RGP1: variants seen among roughly 807,000 people sequenced by gnomAD.
The protein encoded by RGP1 is RGP1 partner of RAB6A GEF complex, also known as RAB6A-GEF complex partner protein 2.
Under a neutral mutation model 44.5 loss-of-function variants are expected in RGP1, and 28 were observed. The ratio of observed to expected loss-of-function variants is 0.63; its 90% CI spans 0.47 to 0.86. The LOEUF is 0.86. RGP1 is among the 40% of genes least tolerant of loss of function. The pLI is 0.00. For synonymous variants in RGP1, 212 were observed against 196.7 expected (o/e 1.08, Z -0.65); for missense variants, 417 against 490.7 (o/e 0.85, Z 1.42).
At chr9:35,775,749 A>G in the RGP1 span, among the ~76,000 whole-genome samples, 1 of 152,240 alleles carries the variant, frequency 6.6e-6, no homozygotes, top group Non-Finnish European at 1.5e-5. Flanking sequence ...GAAAACCTTT[A>G]CACAGTGTAA....
chr9:35,775,486 A>G, the RGP1 span, among the ~76,000 whole-genome samples: 1 of 152,134 alleles, frequency 6.6e-6, no homozygotes, highest in African/African-American at 2.4e-5. Context: ...AGGGGAAGAG[A>G]TAGTCTGGCT....
chr9:35,763,423 A>C (rs892472645), downstream of RGP1, among the ~76,000 whole-genome samples: 1 of 152,218 alleles, frequency 6.6e-6, no homozygotes, highest in Non-Finnish European at 1.5e-5. Flanking sequence ...CAAGATTTTC[A>C]TGTGTACAGT....
At chr9:35,782,971 G>A in the RGP1 span, among the ~76,000 whole-genome samples, 1 of 151,136 alleles carries the variant, frequency 6.6e-6, no homozygotes, top group African/African-American at 2.4e-5. Context: ...ACCATTCCTG[G>A]CTAATTTTTG....
chr9:35,774,763 G>A, the RGP1 span, among the ~76,000 whole-genome samples: 1 of 152,022 alleles, frequency 6.6e-6, no homozygotes, highest in African/African-American at 2.4e-5. Context: ...AGTTACTATG[G>A]GGAAATTTGA....
rs778571366 is a variant in RGP1, at chr9:35,750,958, C to T, written c.456C>T (p.Leu152=). ...GTGTCAACTCCCCTATCACTTTACT[C>T]AGAGTCCCTCTGAGGGTTCTTGTGC... ...CQRVNSPITL[L]RVPLRVLVLT... is the part of the protein sequence containing the mutation. The change falls in exon 5 of 9, where the codon CTC becomes CTT. Residue 152 remains leucine (L), a synonymous_variant. Transcript: ENST00000378078. The T allele has an allele frequency of 6.2e-7, 1 of 1,613,942 alleles. No individual in the cohort carries two copies. Among genetic ancestry groups the T allele is most frequent in the African/African-American group, 1.3e-5 (1 of 75,038 alleles).
chr9:35,753,042 G>T lies in RGP1; in HGVS notation c.*168G>T. On this transcript the variant is annotated 3_prime_UTR_variant, in exon 9 of 9. Coordinates refer to ENST00000378078, the MANE Select transcript of RGP1 (RefSeq NM_001080496.3). This position sits in a 1 kb window ranked among gnomAD's most constrained non-coding sequence, Gnocchi z 4.2. ...TCAGAATACATTGGCAGCTGCTAGT[G>T]GTTTCCCTGGAAGTGGCAGCAGCAG... 1 of 1,588,152 alleles carries T rather than the reference G, an allele frequency of 6.3e-7. No homozygotes were observed. The highest frequency in any genetic ancestry group is 8.6e-7 in the Non-Finnish European group (1 of 1,161,026).
At chr9:35,765,401 A>G in the RGP1 span, among the ~76,000 whole-genome samples, 2 of 152,232 alleles carry the variant, frequency 1.3e-5, no homozygotes, top group Admixed American at 6.5e-5. Flanking sequence ...TCATGCCTGT[A>G]ATCCCAGCAC....
chr9:35,778,983 A>C, the RGP1 span, among the ~76,000 whole-genome samples: 1 of 152,328 alleles, frequency 6.6e-6, no homozygotes, highest in South Asian at 2.1e-4. Flanking sequence ...TTCCCCATTG[A>C]GGAATGCAGT....
chr9:35,772,589 C>A, the RGP1 span, among the ~76,000 whole-genome samples: 1 of 151,760 alleles, frequency 6.6e-6, no homozygotes, highest in Non-Finnish European at 1.5e-5. Flanking sequence ...GTCAGGGGAT[C>A]GAGACCATCC....
chr9:35,777,776 T>A, the RGP1 span, among the ~76,000 whole-genome samples: 1 of 152,232 alleles, frequency 6.6e-6, no homozygotes, highest in Non-Finnish European at 1.5e-5. Flanking sequence ...TGCCCTTTGA[T>A]GTTTTTAATC....
At chr9:35,790,110 C>T in the RGP1 span, 1 of 146,238 alleles carries the variant, frequency 6.8e-6, no homozygotes, top group Non-Finnish European at 1.5e-5. Flanking sequence ...CATGTTGTCT[C>T]GTCATTCTTT....
In RGP1 at chr9:35,750,383, A is replaced by G. The variant is rs369528651; in HGVS notation, c.253+4A>G. 1 of 1,613,760 alleles carries G rather than the reference A, an allele frequency of 6.2e-7. No individual in the cohort carries two copies. Among genetic ancestry groups the G allele is most frequent in the Non-Finnish European group, 8.5e-7 (1 of 1,179,790 alleles). ...ACTGTCTTTCTGCCACACCGAGGTTAGAGAGGGGCATTTGCCTGGGAGAGG... is the reference window on the plus strand; with the variant it reads ...ACTGTCTTTCTGCCACACCGAGGTTGGAGAGGGGCATTTGCCTGGGAGAGG... On this transcript the variant is annotated splice_donor_region_variant and intron_variant, in intron 3 of 8. Transcript: ENST00000378078.
the RGP1 span, among the ~76,000 whole-genome samples, chr9:35,774,052 G>T: frequency 6.6e-6 from 1 of 152,274 alleles, no homozygotes; most frequent in South Asian, 2.1e-4. Flanking sequence ...TAAAAAATGT[G>T]TATTGGTGCA....
chr9:35,771,356 A>C, the RGP1 span, among the ~76,000 whole-genome samples: 1 of 152,118 alleles, frequency 6.6e-6, no homozygotes, highest in Non-Finnish European at 1.5e-5. Context: ...GAGCCTTGGA[A>C]GTTCTGTTCT....
rs765447101 is a variant in RGP1 at position 35,753,710 on chromosome 9, G to C, written c.*836G>C. The C allele has an allele frequency of 6.2e-7, 1 of 1,614,174 alleles. No individual in the cohort carries two copies. Among genetic ancestry groups the C allele is most frequent in the South Asian group, 1.1e-5 (1 of 91,084 alleles). On this transcript the variant is annotated 3_prime_UTR_variant, in exon 9 of 9. Transcript: ENST00000378078. This position sits in a 1 kb window ranked among gnomAD's most constrained non-coding sequence, Gnocchi z 4.2. ...GATGCAGACAGGTGCAATGGAAACA[G>C]TCCTTGCGGAGCCAAGACTCACCCA...
chr9:35,776,867 C>T, the RGP1 span, among the ~76,000 whole-genome samples: 7 of 151,032 alleles, frequency 4.6e-5, no homozygotes, highest in African/African-American at 1.2e-4. Flanking sequence ...TGGTGGCGGG[C>T]GACTGTAGTC....
chr9:35,790,130 CTTT>C, the RGP1 span: 43,644 of 144,048 alleles, frequency 0.3, 7,832 homozygotes, highest in African/African-American at 0.52. Context: ...TTGACTGTTC[CTTT>C]TTTTTTTTTT....
chr9:35,764,477 AAAT>A, the RGP1 span, among the ~76,000 whole-genome samples: 1 of 152,242 alleles, frequency 6.6e-6, no homozygotes, highest in Non-Finnish European at 1.5e-5. Context: ...AAATACTTTT[AAAT>A]AACTGTTTCA....
In RGP1 at chr9:35,750,414, T is replaced by G. The variant is rs540196328; in HGVS notation, c.253+35T>G. 9 of 1,609,160 alleles carry G rather than the reference T, an allele frequency of 5.6e-6. No individual in the cohort carries two copies. In the East Asian group the frequency reaches 1.8e-4, roughly 32 times the overall value. ...GGGCATTTGCCTGGGAGAGGGGGGG[T>G]GCGGAGGGTGTGTGTGGAGGCATTG... is the stretch of plus-strand genomic sequence containing the variant. On this transcript the variant is annotated intron_variant, in intron 3 of 8. Transcript: ENST00000378078.
Sources: allele counts gnomAD v4.1 joint callset (sites outside exome capture counted in the v4.1 genomes callset), GRCh38; gene constraint gnomAD v4.1.1; non-coding constraint Gnocchi (gnomAD v3.1); transcripts MANE v1.5; gene names NCBI Gene and HGNC (gene_info 2026-07-23, HGNC 2026-07-21).